Variants in ZNRF3 observed in about 807,000 individuals in gnomAD.
ZNRF3 encodes E3 ubiquitin-protein ligase ZNRF3.
ZNRF3 carries 23 observed loss-of-function variants against 72.5 expected under a neutral mutation model. The ratio of observed to expected loss-of-function variants is 0.32; its 90% CI spans 0.23 to 0.45. The LOEUF (loss-of-function observed/expected upper bound fraction) is 0.45. Among genes scored for constraint, ZNRF3 ranks in the 20% least tolerant of loss-of-function variants. The pLI, the probability that ZNRF3 is intolerant of heterozygous loss-of-function variation, is 1.00. For missense variants in ZNRF3, 1,169 were observed against 1,272.1 expected (o/e 0.92, Z 1.23); for synonymous variants, 610 against 545.3 (o/e 1.12, Z -1.65).
intron 1 of ZNRF3, among the ~76,000 whole-genome samples, chr22:28,887,051 G>A (rs889657190): frequency 2.0e-5 from 3 of 152,258 alleles, no homozygotes; most frequent in Admixed American, 1.3e-4. Context: ...CTAAATAGTA[G>A]CACTATAGCA....
At chr22:28,989,913 CA>C (rs1226288776) in intron 2 of ZNRF3, among the ~76,000 whole-genome samples, 1 of 152,326 alleles carries the variant, frequency 6.6e-6, no homozygotes, top group East Asian at 1.9e-4. Context: ...ATTTTAAAAG[CA>C]AAAGGCATAA....
intron 1 of ZNRF3, among the ~76,000 whole-genome samples, chr22:28,953,322 C>A (rs1341116688): frequency 3.3e-5 from 5 of 152,184 alleles, no homozygotes; most frequent in Non-Finnish European, 1.5e-5. Context: ...AGTACTCGGC[C>A]AACTCTAGGT....
At chr22:29,007,306 T>G (rs1297873173) in intron 2 of ZNRF3, among the ~76,000 whole-genome samples, 1 of 152,196 alleles carries the variant, frequency 6.6e-6, no homozygotes, top group African/African-American at 2.4e-5. Flanking sequence ...TTTGGGTACT[T>G]GGGAACCTAA....
chr22:28,951,863 G>A (rs2035167138), intron 1 of ZNRF3, among the ~76,000 whole-genome samples: 1 of 152,222 alleles, frequency 6.6e-6, no homozygotes, highest in Non-Finnish European at 1.5e-5. Context: ...AAGATGGATA[G>A]AGATGGTTTA....
chr22:29,020,757 T>TGTGTGTGTG (rs2036519232), intron 2 of ZNRF3, among the ~76,000 whole-genome samples: 1 of 117,314 alleles, frequency 8.5e-6, no homozygotes, highest in African/African-American at 3.7e-5. Context: ...GAGAGGGGCT[T>TGTGTGTGTG]TGTTTTTGTG....
chr22:28,937,852 G>A (rs150057393), intron 1 of ZNRF3, among the ~76,000 whole-genome samples: 10 of 152,212 alleles, frequency 6.6e-5, no homozygotes, highest in Admixed American at 4.6e-4. Context: ...TGTACATAGC[G>A]TTGCTTTTTA....
chr22:28,998,304 A>G (rs927878000), intron 2 of ZNRF3, among the ~76,000 whole-genome samples: 2 of 152,186 alleles, frequency 1.3e-5, no homozygotes, highest in African/African-American at 2.4e-5. Flanking sequence ...GTCAAAAAAA[A>G]AAAAGTATGT....
chr22:29,049,745 G>C lies in ZNRF3; in HGVS notation c.1564G>C (p.Glu522Gln), dbSNP rs1055665350. The change falls in exon 8 of 9, where the codon GAG becomes CAG. Residue 522 changes from glutamate (E) to glutamine (Q), a missense_variant. Physicochemically the swap from Glu to Gln is conservative, Grantham distance 29. Around this residue, in one of 2 missense-constraint regions of ZNRF3, gnomAD observed 783 missense variants for 731.4 expected, o/e 1.07. Transcript: ENST00000544604. The surrounding 1 kb of genome is among the most constrained non-coding windows in gnomAD (Gnocchi z 5.2). ...GCACGTGGCCCCGCCCTCCCACCTGGAGAGCGGCAGCACGTCCAGCTTCAG... is the reference window on the plus strand; with the variant it reads ...GCACGTGGCCCCGCCCTCCCACCTGCAGAGCGGCAGCACGTCCAGCTTCAG... ...VVHVAPPSHL[E>Q]SGSTSSFSCY... 56 of 1,595,060 alleles carry C rather than the reference G, an allele frequency of 3.5e-5. No individual in the cohort carries two copies. Among genetic ancestry groups the C allele is most frequent in the Non-Finnish European group, 4.7e-5 (55 of 1,169,120 alleles).
At chr22:29,000,464 TTAGTAAACA>T (rs1379673788) in intron 2 of ZNRF3, among the ~76,000 whole-genome samples, 2 of 152,260 alleles carry the variant, frequency 1.3e-5, no homozygotes, top group African/African-American at 4.8e-5. Flanking sequence ...TTTTCATTTC[TTAGTAAACA>T]TAGTCATTTT....
intron 5 of ZNRF3, 36 bp downstream of exon 5, chr22:29,044,926 C>T: frequency 1.4e-6 from 2 of 1,465,876 alleles, no homozygotes; most frequent in Non-Finnish European, 1.9e-6. Flanking sequence ...AGCAGTAACC[C>T]CTCTTGCCGT....
At chr22:28,908,544 C>G (rs550638943) in intron 1 of ZNRF3, among the ~76,000 whole-genome samples, 1 of 152,228 alleles carries the variant, frequency 6.6e-6, no homozygotes, top group African/African-American at 2.4e-5. Context: ...GTGATGTTTG[C>G]TTTTTTAAAT....
intron 2 of ZNRF3, among the ~76,000 whole-genome samples, chr22:29,036,238 A>T (rs1377959449): frequency 6.6e-6 from 1 of 152,188 alleles, no homozygotes; most frequent in African/African-American, 2.4e-5. Flanking sequence ...TCGTATTTTC[A>T]GGGAAAATGT....
In ZNRF3 at chr22:28,883,653, C is replaced by T. The variant is rs1286145486; in HGVS notation, c.-114C>T. ...GAGCTGAGCCTGCGACCCACAAAGC[C>T]GCCGCCGCCGCCGCCGTGATGGGGC... On this transcript the variant is annotated 5_prime_UTR_variant, in exon 1 of 9. Coordinates refer to ENST00000544604, the MANE Select transcript of ZNRF3 (RefSeq NM_001206998.2). This position sits in a 1 kb window ranked among gnomAD's most constrained non-coding sequence, Gnocchi z 5.5. The T allele has an allele frequency of 3.4e-6, 3 of 885,434 alleles. No homozygotes were observed. Among genetic ancestry groups the T allele is most frequent in the Admixed American group, 6.2e-5 (1 of 16,040 alleles). 54.8% of individuals were successfully genotyped at this position (885,434 alleles called of 1,614,324 possible).
intron 1 of ZNRF3, among the ~76,000 whole-genome samples, chr22:28,984,643 T>C (rs548465365): frequency 4.6e-5 from 7 of 152,244 alleles, no homozygotes; most frequent in Non-Finnish European, 8.8e-5. Flanking sequence ...TTCAGGAAGC[T>C]GGCTGAGCTG....
chr22:28,999,422 G>A lies in ZNRF3; in HGVS notation c.426+12221G>A, dbSNP rs5752848. ...GGAGGATCACTTGAGGCTGCAATGAGCTATGATTGTGCCACTGTACTCTAG... is the reference window on the plus strand; with the variant it reads ...GGAGGATCACTTGAGGCTGCAATGAACTATGATTGTGCCACTGTACTCTAG... On this transcript the variant is annotated intron_variant, in intron 2 of 8. Transcript: ENST00000544604. 3.3e-3 allele frequency among the ~76,000 whole-genome samples: 498 copies of A among 152,302 alleles called. 17 individuals are homozygous for A. In the East Asian group the frequency reaches 0.074, roughly 23 times the overall value.
At chr22:29,036,008 C>T (rs772695577) in intron 2 of ZNRF3, among the ~76,000 whole-genome samples, 1 of 152,156 alleles carries the variant, frequency 6.6e-6, no homozygotes, top group Non-Finnish European at 1.5e-5. Flanking sequence ...ATATTTTAAA[C>T]TACATTTTGG....
chr22:29,051,016 A>C, intron 8 of ZNRF3, 68 bp downstream of exon 8: 3 of 1,472,078 alleles, frequency 2.0e-6, no homozygotes, highest in Non-Finnish European at 2.7e-6. Flanking sequence ...CTTCTGTCTT[A>C]GGCATTTTCT....
At chr22:28,905,101 A>G (rs761940861) in intron 1 of ZNRF3, among the ~76,000 whole-genome samples, 14 of 151,880 alleles carry the variant, frequency 9.2e-5, no homozygotes, top group Non-Finnish European at 2.1e-4. Context: ...ACTCCCAGCT[A>G]ATTTTTTCAC....
At chr22:29,000,170 TA>T (rs2036118291) in intron 2 of ZNRF3, among the ~76,000 whole-genome samples, 1 of 152,208 alleles carries the variant, frequency 6.6e-6, no homozygotes, top group Non-Finnish European at 1.5e-5. Flanking sequence ...TTGCTAGTTA[TA>T]AAAATAATAA....
Sources: gnomAD v4.1 joint callset for allele counts (sites outside exome capture counted in the v4.1 genomes callset) on GRCh38, gnomAD v4.1.1 for gene constraint, gnomAD v4.1.1 regional missense constraint, Gnocchi (gnomAD v3.1) non-coding constraint, MANE v1.5 for transcripts, NCBI Gene and HGNC (gene_info 2026-07-23, HGNC 2026-07-21) for gene names.